AR: variants seen among roughly 807,000 people sequenced by gnomAD.
The protein encoded by AR is dihydrotestosterone receptor.
A neutral mutation model predicts 53.9 loss-of-function variants in AR; 8 were observed. That is an observed-to-expected ratio of 0.15 (90% CI 0.09 to 0.27). The LOEUF (loss-of-function observed/expected upper bound fraction) is 0.27. Ranked by LOEUF, AR falls within the 10% of genes least tolerant of loss-of-function variation. The pLI, the probability that AR is intolerant of heterozygous loss-of-function variation, is 1.00. For synonymous variants in AR, 359 were observed against 316.4 expected (o/e 1.13, Z -1.43); for missense variants, 639 against 742.5 (o/e 0.86, Z 1.62).
chrX:67,592,636 G>A (rs867855532), intron 1 of AR, among the ~76,000 whole-genome samples: 25 of 91,424 alleles, frequency 2.7e-4, no homozygotes, highest in Admixed American at 2.5e-4. Context: ...AATATTCCCA[G>A]AAAAAAAAAA....
intron 1 of AR, among the ~76,000 whole-genome samples, chrX:67,612,062 G>A (rs2147387520): frequency 8.9e-6 from 1 of 112,277 alleles, no homozygotes; most frequent in African/African-American, 3.2e-5. Context: ...TTAAACAAAT[G>A]TGCAAATATT....
rs779363787 is a variant in AR, at chrX:67,723,846, T to A, written c.*5T>A. ...ATCTATTTCCACACCCAGTGAAGCA[T>A]TGGAAACCCTATTTCCCCACCCCAG... is the stretch of plus-strand genomic sequence containing the variant. On this transcript the variant is annotated 3_prime_UTR_variant, in exon 8 of 8. Coordinates refer to ENST00000374690, the MANE Select transcript of AR (RefSeq NM_000044.6). 4.1e-6 allele frequency: 5 copies of A among 1,209,535 alleles called. No homozygotes were observed. In the East Asian group the frequency reaches 1.5e-4, roughly 36 times the overall value.
At chrX:67,599,562 C>T (rs113722994) in intron 1 of AR, among the ~76,000 whole-genome samples, 7,852 of 111,455 alleles carry the variant, frequency 0.07, 690 homozygotes, top group African/African-American at 0.24. Context: ...GAACCTGCAC[C>T]TTTCTTCTGT....
intron 1 of AR, among the ~76,000 whole-genome samples, chrX:67,598,929 A>C (rs1392583164): frequency 9.0e-6 from 1 of 111,315 alleles, no homozygotes; most frequent in East Asian, 2.8e-4. Context: ...TGAGGGAGCT[A>C]TCTAGATCCA....
At chrX:67,697,108 T>C (rs2076024091) in intron 3 of AR, among the ~76,000 whole-genome samples, 1 of 112,000 alleles carries the variant, frequency 8.9e-6, no homozygotes, top group Admixed American at 9.5e-5. Flanking sequence ...AATAAAATAC[T>C]GCTGTTCTTG....
intron 1 of AR, among the ~76,000 whole-genome samples, chrX:67,590,782 G>A (rs1301075911): frequency 8.9e-6 from 1 of 111,934 alleles, no homozygotes; most frequent in East Asian, 2.8e-4. Flanking sequence ...TTTTAAGACA[G>A]AGTAGAACTC....
chrX:67,659,934 G>T (rs957878372), intron 2 of AR, among the ~76,000 whole-genome samples: 1 of 110,519 alleles, frequency 9.0e-6, no homozygotes, highest in Non-Finnish European at 1.9e-5. Context: ...ATGGTATCTC[G>T]TGGTTTTGAT....
chrX:67,618,922 G>A (rs1212970190), intron 1 of AR, among the ~76,000 whole-genome samples: 1 of 111,686 alleles, frequency 9.0e-6, no homozygotes, highest in Non-Finnish European at 1.9e-5. Context: ...TGAAGGTATT[G>A]AGATAAGAAG....
chrX:67,708,337 G>A (rs531947742), intron 3 of AR, among the ~76,000 whole-genome samples: 50 of 111,179 alleles, frequency 4.5e-4, no homozygotes, highest in African/African-American at 1.1e-3. Flanking sequence ...GGCTTTGTTC[G>A]TTTCTTTTTA....
intron 2 of AR, among the ~76,000 whole-genome samples, chrX:67,676,394 A>G (rs1306690918): frequency 8.9e-6 from 1 of 112,474 alleles, no homozygotes; most frequent in Admixed American, 9.4e-5. Context: ...TGTTGCAGAG[A>G]TAACCTCCAA....
chrX:67,725,632 A>G lies in AR; in HGVS notation c.*1791A>G, dbSNP rs1028990022. The stretch of plus-strand genomic sequence containing the variant: ...CAAAGCCTAAAGCCAGATGGACACC[A>G]TCTGGTGAGTTTACTCATCATCCTC... On this transcript the variant is annotated 3_prime_UTR_variant, in exon 8 of 8. Transcript: ENST00000374690. The G allele has an allele frequency of 2.4e-4, 41 of 173,867 alleles. No individual in the cohort carries two copies. Among genetic ancestry groups the G allele is most frequent in the African/African-American group, 1.1e-3 (38 of 33,845 alleles). The allele number at this position is 173,867 out of a possible 1,213,427, so 14.3% of individuals were successfully genotyped here.
rs760765166 is a variant in AR at position 67,726,308 on chromosome X, T to C, written c.*2467T>C. On this transcript the variant is annotated 3_prime_UTR_variant, in exon 8 of 8. Coordinates refer to ENST00000374690, the MANE Select transcript of AR (RefSeq NM_000044.6). ...TGTACAGGATCACTTTTAGCTGTTTTAAACAGAAAAAAATATCCACCACTC... is the reference window on the plus strand; with the variant it reads ...TGTACAGGATCACTTTTAGCTGTTTCAAACAGAAAAAAATATCCACCACTC... The C allele has an allele frequency of 5.8e-6, 1 of 173,364 alleles. No homozygotes were observed. Among genetic ancestry groups the C allele is most frequent in the Non-Finnish European group, 1.1e-5 (1 of 90,933 alleles). 14.3% of individuals were successfully genotyped at this position (173,364 alleles called of 1,213,427 possible). A position where few individuals can be genotyped will look rare whatever the true frequency, so the allele number is the denominator to read the frequency against.
At chrX:67,706,008 G>A (rs1224881133) in intron 3 of AR, among the ~76,000 whole-genome samples, 1 of 111,787 alleles carries the variant, frequency 8.9e-6, no homozygotes, top group Non-Finnish European at 1.9e-5. Context: ...ACTTGATCAT[G>A]GTGGATAAGC....
intron 1 of AR, among the ~76,000 whole-genome samples, chrX:67,557,846 A>G (rs1921124807): frequency 8.9e-6 from 1 of 112,533 alleles, no homozygotes; most frequent in South Asian, 3.6e-4. Flanking sequence ...AACTATACAA[A>G]TTGGTTGCTC....
At chrX:67,610,638 T>C (rs1249601868) in intron 1 of AR, among the ~76,000 whole-genome samples, 1 of 111,609 alleles carries the variant, frequency 9.0e-6, no homozygotes, top group Non-Finnish European at 1.9e-5. Context: ...TTCACTTAAT[T>C]AATAGACCTT....
intron 3 of AR, among the ~76,000 whole-genome samples, chrX:67,708,482 T>A (rs1458010712): frequency 8.9e-6 from 1 of 112,225 alleles, no homozygotes; most frequent in Non-Finnish European, 1.9e-5. Flanking sequence ...GTGCCATGGT[T>A]TTCAGCTCCA....
chrX:67,561,265 A>G (rs1417442310), intron 1 of AR, among the ~76,000 whole-genome samples: 2 of 112,147 alleles, frequency 1.8e-5, no homozygotes, highest in African/African-American at 6.5e-5. Context: ...GAAATGATTC[A>G]GAGTCAATAG....
At position 67,728,392 on chromosome X, in the gene AR, T is replaced by C; in HGVS notation, c.*4551T>C. The C allele has an allele frequency of 6.3e-6, 1 of 158,442 alleles. No individual in the cohort carries two copies. The highest frequency in any genetic ancestry group is 1.2e-5 in the Non-Finnish European group (1 of 82,106). The allele number at this position is 158,442 out of a possible 1,213,427, so 13.1% of individuals were successfully genotyped here. On this transcript the variant is annotated 3_prime_UTR_variant, in exon 8 of 8. Transcript: ENST00000374690. Reference sequence around the variant, plus strand: ...TTGCTAGTGCCCATGTTAGCTTATCTGAAGATGTGAAACCCTTGCTGATAA... The same window carrying C: ...TTGCTAGTGCCCATGTTAGCTTATCCGAAGATGTGAAACCCTTGCTGATAA...
chrX:67,575,429 C>CT (rs1338817169), intron 1 of AR, among the ~76,000 whole-genome samples: 1 of 111,722 alleles, frequency 9.0e-6, no homozygotes, highest in African/African-American at 3.3e-5. Flanking sequence ...GTAGTCAGAA[C>CT]TTTTGTACTG....
Sources: gnomAD v4.1 joint callset for allele counts (sites outside exome capture counted in the v4.1 genomes callset) on GRCh38, gnomAD v4.1.1 for gene constraint, MANE v1.5 for transcripts, NCBI Gene and HGNC (gene_info 2026-07-23, HGNC 2026-07-21) for gene names.